The following OTOF variants were observed in gnomAD, a reference collection of about 807,000 sequenced individuals.
OTOF encodes the protein fer-1-like family member 2.
A neutral mutation model predicts 236.8 loss-of-function variants in OTOF; 218 were observed. That is an observed-to-expected ratio of 0.92 (90% CI 0.82 to 1.03). The LOEUF (loss-of-function observed/expected upper bound fraction) is 1.03. Among genes scored for constraint, OTOF ranks in the 50% least tolerant of loss-of-function variants. The pLI is 0.00. For missense variants in OTOF, 2,590 were observed against 2,694.4 expected, an observed-to-expected ratio of 0.96 and a Z score of 0.86; for synonymous variants, 1,041 against 1,072.5, an observed-to-expected ratio of 0.97 and a Z score of 0.57.
At chr2:26,497,617 T>C (rs1666020384) in intron 8 of OTOF, among the ~76,000 whole-genome samples, 1 of 152,184 alleles carries the variant, frequency 6.6e-6, no homozygotes, top group Non-Finnish European at 1.5e-5. Context: ...GAAGTAATCA[T>C]GTTAAGGAAA....
At chr2:26,520,644 C>T (rs1666654434) in intron 3 of OTOF, among the ~76,000 whole-genome samples, 1 of 152,228 alleles carries the variant, frequency 6.6e-6, no homozygotes, top group Non-Finnish European at 1.5e-5. Context: ...GCACCTCTCC[C>T]AGCTCAGGCA....
intron 5 of OTOF, among the ~76,000 whole-genome samples, chr2:26,505,183 G>C (rs540755854): frequency 6.6e-6 from 1 of 152,218 alleles, no homozygotes; most frequent in East Asian, 1.9e-4. Flanking sequence ...GGGAGCAATT[G>C]AGAATCACCC....
chr2:26,538,967 C>G (rs1178886373), intron 1 of OTOF, among the ~76,000 whole-genome samples: 1 of 152,130 alleles, frequency 6.6e-6, no homozygotes, highest in African/African-American at 2.4e-5. Context: ...GCGCCGCCAC[C>G]ATGCCCAGCT....
intron 5 of OTOF, chr2:26,510,594 C>T (rs1326314709): frequency 3.3e-6 from 2 of 601,200 alleles, no homozygotes; most frequent in Non-Finnish European, 5.3e-6. Flanking sequence ...CCACGACAGC[C>T]CACTCCTGAG....
intron 38 of OTOF, 117 bp downstream of exon 38, chr2:26,465,555 G>T: frequency 8.9e-7 from 1 of 1,125,234 alleles, no homozygotes; most frequent in Non-Finnish European, 1.3e-6. Context: ...GCAGAGGCCT[G>T]GCCTGGGACA....
chr2:26,479,810 G>A (rs1350981826), intron 16 of OTOF, among the ~76,000 whole-genome samples, 157 bp from the exon 17 acceptor site: 2 of 152,224 alleles, frequency 1.3e-5, no homozygotes, highest in Non-Finnish European at 2.9e-5. Context: ...GCATTAGCCC[G>A]TGTCCCCACT....
Position 26,490,041 on chromosome 2 carries a change from G to A in OTOF, c.898-301C>T, listed in dbSNP as rs75865380. Among the ~76,000 whole-genome samples, 22 of 152,314 alleles carry A rather than the reference G, an allele frequency of 1.4e-4. No individual in the cohort carries two copies. In the East Asian group the frequency reaches 3.7e-3, roughly 25 times the overall value. On this transcript the variant is annotated intron_variant, in intron 9 of 46. Coordinates refer to ENST00000272371, the MANE Select transcript of OTOF (RefSeq NM_194248.3). ...TGTACTGTGCTCAGAAGAGGCACAGGGCCAGGGAGCAAGCAGACCTGGGTT... is the reference window on the plus strand; with the variant it reads ...TGTACTGTGCTCAGAAGAGGCACAGAGCCAGGGAGCAAGCAGACCTGGGTT...
rs749422413 is a variant in OTOF at position 26,477,010 on chromosome 2, T to A, written c.2557A>T (p.Met853Leu). 4 of 1,608,778 alleles carry A rather than the reference T, an allele frequency of 2.5e-6. No homozygotes were observed. Among genetic ancestry groups the A allele is most frequent in the Non-Finnish European group, 3.4e-6 (4 of 1,178,096 alleles). Residue 853 changes from methionine to leucine, a missense_variant, in exon 22 of 47, where the codon ATG becomes TTG. Met to Leu is a conservative substitution (Grantham distance 15). Around this residue, in one of 2 missense-constraint regions of OTOF, gnomAD observed 1,379 missense variants for 1,341.6 expected, o/e 1.03. Coordinates refer to ENST00000272371, the MANE Select transcript of OTOF (RefSeq NM_194248.3). The surrounding 1 kb of genome is among the most constrained non-coding windows in gnomAD (Gnocchi z 4.7). ...QHSIPDIFIWMMSNNKRVAYA... is the reference protein window; with the variant it reads ...QHSIPDIFIWLMSNNKRVAYA... ...GCGACACGCTTGTTGTTGCTCATCATCCAGATGAAGATGTCGGGAATGCTG... is the reference window on the plus strand; with the variant it reads ...GCGACACGCTTGTTGTTGCTCATCAACCAGATGAAGATGTCGGGAATGCTG...
Position 26,480,361 on chromosome 2 carries a change from G to A in OTOF, c.1804-50C>T, listed in dbSNP as rs774692959. The stretch of plus-strand genomic sequence containing the variant: ...TCCTGAGCTTGAGTAAGGGTGGCAG[G>A]TCGGGGGCCAGGCCTCCTTCCGTCT... On this transcript the variant is annotated intron_variant, in intron 15 of 46. Transcript: ENST00000272371. 21 of 1,133,536 alleles carry A rather than the reference G, an allele frequency of 1.9e-5. 1 individual carries two copies. The Admixed American group carries it at 3.0e-4, about 16-fold the overall frequency. The allele number at this position is 1,133,536 out of a possible 1,614,324, so 70.2% of individuals were successfully genotyped here.
chr2:26,498,671 G>C (rs1250258681), intron 8 of OTOF, among the ~76,000 whole-genome samples: 1 of 152,100 alleles, frequency 6.6e-6, no homozygotes, highest in African/African-American at 2.4e-5. Flanking sequence ...TCATGAAAGC[G>C]ATCACAAGGA....
At chr2:26,530,074 C>T (rs1260792694) in intron 2 of OTOF, among the ~76,000 whole-genome samples, 2 of 147,362 alleles carry the variant, frequency 1.4e-5, no homozygotes, top group East Asian at 2.1e-4. Flanking sequence ...GTCGGGGGGC[C>T]GCAGGAGCCA....
At chr2:26,500,742 A>C (rs73920302) in intron 8 of OTOF, among the ~76,000 whole-genome samples, 1 of 152,132 alleles carries the variant, frequency 6.6e-6, no homozygotes, top group Non-Finnish European at 1.5e-5. Flanking sequence ...ACATGGCCAG[A>C]TGTACCTTTT....
chr2:26,504,340 G>A (rs11126522), intron 5 of OTOF, among the ~76,000 whole-genome samples: 47,472 of 151,922 alleles, frequency 0.31, 8,665 homozygotes, highest in South Asian at 0.4. Context: ...GGCAGAGGCC[G>A]ATGAGGAGAT....
chr2:26,476,206 G>T lies in OTOF; in HGVS notation c.2788C>A (p.Pro930Thr). 1 of 1,610,200 alleles carries T rather than the reference G, an allele frequency of 6.2e-7. No homozygotes were observed. ...GCCTTGACCTCCTGGAAGCCACAGG[G>T]CAGGCCGCACAGGAACTCCTTGCGC... is the stretch of plus-strand genomic sequence containing the variant. ...KQRKEFLCGLPCGFQEVKAAQ... is the reference protein window; with the variant it reads ...KQRKEFLCGLTCGFQEVKAAQ... Residue 930 changes from proline (P) to threonine (T), a missense_variant, in exon 23 of 47, where the codon CCC (proline) becomes ACC (threonine). Coordinates refer to ENST00000272371, the MANE Select transcript of OTOF (RefSeq NM_194248.3).
At chr2:26,515,230 C>T (rs1348588309) in intron 5 of OTOF, among the ~76,000 whole-genome samples, 1 of 152,230 alleles carries the variant, frequency 6.6e-6, no homozygotes, top group East Asian at 1.9e-4. Context: ...AGGACTCAGG[C>T]CTGGGTTTTC....
In OTOF at chr2:26,470,445, C is replaced by A; in HGVS notation, c.4023+148G>T. On this transcript the variant is annotated intron_variant, in intron 32 of 46. Coordinates refer to ENST00000272371, the MANE Select transcript of OTOF (RefSeq NM_194248.3). This position sits in a 1 kb window ranked among gnomAD's most constrained non-coding sequence, Gnocchi z 4.3. Reference sequence around the variant, plus strand: ...ATCATCTTGGAAGGTGAGTTCTGAGCTAGGATTTCAAGGATGTGAGACAAA... The same window carrying A: ...ATCATCTTGGAAGGTGAGTTCTGAGATAGGATTTCAAGGATGTGAGACAAA... The A allele has an allele frequency of 1.2e-6, 1 of 806,974 alleles. No individual in the cohort carries two copies. The highest frequency in any genetic ancestry group is 2.1e-6 in the Non-Finnish European group (1 of 472,732). 50.0% of individuals were successfully genotyped at this position (806,974 alleles called of 1,614,324 possible). A position where few individuals can be genotyped will look rare whatever the true frequency, so the allele number is the denominator to read the frequency against.
intron 33 of OTOF, 148 bp downstream of exon 33, chr2:26,468,260 G>C: frequency 1.4e-6 from 1 of 726,564 alleles, no homozygotes; most frequent in Non-Finnish European, 2.5e-6. Context: ...GCCCAGTACT[G>C]CCCATGGATT....
intron 3 of OTOF, among the ~76,000 whole-genome samples, chr2:26,526,752 G>C (rs368450343): frequency 2.0e-5 from 3 of 152,110 alleles, no homozygotes; most frequent in East Asian, 1.9e-4. Flanking sequence ...TTTGTTTGTA[G>C]TCTCCTCCCA....
intron 14 of OTOF, among the ~76,000 whole-genome samples, 166 bp downstream of exon 14, chr2:26,482,240 C>T (rs921000229): frequency 6.6e-6 from 1 of 152,150 alleles, no homozygotes; most frequent in African/African-American, 2.4e-5. Context: ...AGCCACAAAT[C>T]CTCACCCTCC....
Sources: gnomAD v4.1 joint callset for allele counts (sites outside exome capture counted in the v4.1 genomes callset) on GRCh38, gnomAD v4.1.1 for gene constraint, gnomAD v4.1.1 regional missense constraint, Gnocchi (gnomAD v3.1) non-coding constraint, MANE v1.5 for transcripts, NCBI Gene and HGNC (gene_info 2026-07-23, HGNC 2026-07-21) for gene names.